GASK1B: variants seen among roughly 807,000 people sequenced by gnomAD.
The protein encoded by GASK1B is golgi associated kinase 1B, also known as Golgi-associated kinase 1B.
In GASK1B, 34 loss-of-function variants were observed where a neutral mutation model predicts 42.8. The observed-to-expected ratio is 0.79, with a 90% CI of 0.60 to 1.06. The LOEUF (loss-of-function observed/expected upper bound fraction) is 1.06. Among genes scored for constraint, GASK1B ranks in the 50% least tolerant of loss-of-function variants. The pLI, the probability that GASK1B is intolerant of heterozygous loss-of-function variation, is 0.00. For synonymous variants in GASK1B, 262 were observed against 259.1 expected (o/e 1.01, Z -0.11); for missense variants, 686 against 661.0 (o/e 1.04, Z -0.42).
In GASK1B at chr4:158,171,401, C is replaced by T. The variant is rs752856329; in HGVS notation, c.-26G>A. ...TTCTCTGCCGCATCCACATGTTGAA[C>T]GGAGTTTAAAGTCTGCAGTTGGCTC... is the stretch of plus-strand genomic sequence containing the variant. On this transcript the variant is annotated 5_prime_UTR_variant, in exon 2 of 5. Transcript: ENST00000585682. 7 of 1,533,286 alleles carry T rather than the reference C, an allele frequency of 4.6e-6. No homozygotes were observed. The Admixed American group carries it at 6.0e-5, about 13-fold the overall frequency. 95.0% of individuals were successfully genotyped at this position (1,533,286 alleles called of 1,614,324 possible). A position where few individuals can be genotyped will look rare whatever the true frequency, so the allele number is the denominator to read the frequency against.
chr4:158,164,279 G>A (rs8180159), intron 2 of GASK1B, among the ~76,000 whole-genome samples: 140,752 of 152,296 alleles, frequency 0.92, 65,334 homozygotes, highest in East Asian at 0.98. Context: ...TATAGAAGAC[G>A]ATAGATTGCA....
chr4:158,139,432 T>G (rs184010135), intron 3 of GASK1B, among the ~76,000 whole-genome samples: 8 of 152,310 alleles, frequency 5.3e-5, no homozygotes, highest in African/African-American at 1.9e-4. Flanking sequence ...TGTGGCAATC[T>G]CAAAATCTTA....
chr4:158,135,911 A>G (rs941411335), intron 3 of GASK1B, among the ~76,000 whole-genome samples: 4 of 152,174 alleles, frequency 2.6e-5, no homozygotes, highest in Non-Finnish European at 4.4e-5. Context: ...ATCTTTAGAG[A>G]TACAATAAGT....
At chr4:158,149,928 T>TTTTTTTTTTTC (rs1731487344) in intron 3 of GASK1B, among the ~76,000 whole-genome samples, 1 of 107,152 alleles carries the variant, frequency 9.3e-6, no homozygotes, top group Non-Finnish European at 1.9e-5. Context: ...TGCTGCTTTT[T>TTTTTTTTTTTC]TTTTTTTTTT....
chr4:158,155,124 A>T (rs1258355666), intron 3 of GASK1B, among the ~76,000 whole-genome samples: 1 of 152,224 alleles, frequency 6.6e-6, no homozygotes, highest in Non-Finnish European at 1.5e-5. Context: ...ATTCAGGCAC[A>T]GTTGACCGGC....
intron 3 of GASK1B, among the ~76,000 whole-genome samples, chr4:158,143,129 T>C (rs1395637572): frequency 1.3e-5 from 2 of 152,236 alleles, no homozygotes; most frequent in Non-Finnish European, 2.9e-5. Flanking sequence ...CTTCTAGTGA[T>C]ACATACTGAA....
At chr4:158,135,645 C>G (rs926138904) in intron 3 of GASK1B, among the ~76,000 whole-genome samples, 1 of 151,750 alleles carries the variant, frequency 6.6e-6, no homozygotes, top group African/African-American at 2.4e-5. Context: ...AAAGTCCATG[C>G]TCTTATCCAT....
chr4:158,145,131 T>C (rs921246737), intron 3 of GASK1B, among the ~76,000 whole-genome samples: 1 of 152,204 alleles, frequency 6.6e-6, no homozygotes, highest in African/African-American at 2.4e-5. Context: ...CAAAGATCTT[T>C]CCATGAACAG....
At chr4:158,154,364 T>A (rs1316805620) in intron 3 of GASK1B, among the ~76,000 whole-genome samples, 4 of 152,090 alleles carry the variant, frequency 2.6e-5, no homozygotes, top group Admixed American at 1.3e-4. Context: ...AAATAACAGA[T>A]GTTGGCGTGG....
chr4:158,165,235 G>C (rs913598395), intron 2 of GASK1B, among the ~76,000 whole-genome samples: 5 of 152,210 alleles, frequency 3.3e-5, no homozygotes, highest in Non-Finnish European at 5.9e-5. Flanking sequence ...CTAAATCAAA[G>C]ATCACAGAAC....
intron 3 of GASK1B, among the ~76,000 whole-genome samples, 153 bp downstream of exon 3, chr4:158,155,458 A>G (rs548621785): frequency 8.5e-5 from 13 of 152,186 alleles, no homozygotes. Flanking sequence ...ACATTTGGCC[A>G]TTATGGCCAA....
chr4:158,160,928 T>C (rs1459970519), intron 2 of GASK1B, among the ~76,000 whole-genome samples: 3 of 151,760 alleles, frequency 2.0e-5, no homozygotes, highest in Non-Finnish European at 4.4e-5. Flanking sequence ...AAGTAGAGAG[T>C]AGAATGGTGG....
intron 3 of GASK1B, among the ~76,000 whole-genome samples, chr4:158,131,883 A>G (rs1730696769): frequency 6.6e-6 from 1 of 152,170 alleles, no homozygotes; most frequent in Non-Finnish European, 1.5e-5. Flanking sequence ...CTTTACCTCG[A>G]ACACCTGGTA....
chr4:158,171,712 A>C, intron 1 of GASK1B, 113 bp from the exon 2 acceptor site: 1 of 194,314 alleles, frequency 5.1e-6, no homozygotes, highest in Non-Finnish European at 1.0e-5. Context: ...TCACCACTAA[A>C]TGTTTTTAAA....
intron 3 of GASK1B, among the ~76,000 whole-genome samples, chr4:158,145,894 C>T (rs1250010963): frequency 2.0e-5 from 3 of 152,136 alleles, no homozygotes; most frequent in African/African-American, 4.8e-5. Flanking sequence ...TGTTGGTCCT[C>T]CTCTATGTTA....
At chr4:158,143,713 T>C (rs1211680317) in intron 3 of GASK1B, among the ~76,000 whole-genome samples, 1 of 152,120 alleles carries the variant, frequency 6.6e-6, no homozygotes, top group Non-Finnish European at 1.5e-5. Context: ...TGAATAAATA[T>C]AGGCCAGTCA....
Position 158,171,442 on chromosome 4 carries a change from A to G in GASK1B, c.-67T>C. 6.8e-7 allele frequency: 1 copy of G among 1,479,498 alleles called. No individual in the cohort carries two copies. Among genetic ancestry groups the G allele is most frequent in the Non-Finnish European group, 9.0e-7 (1 of 1,111,458 alleles). 91.6% of individuals were successfully genotyped at this position (1,479,498 alleles called of 1,614,324 possible). A position where few individuals can be genotyped will look rare whatever the true frequency, so the allele number is the denominator to read the frequency against. ...CAGTTGGCTCCTGCTAATGTGATGC[A>G]TGGTTTCCTGACTTCAGCTGCCGCG... is the stretch of plus-strand genomic sequence containing the variant. On this transcript the variant is annotated 5_prime_UTR_variant, in exon 2 of 5. An upstream start codon of the reference 5' UTR is lost. Coordinates refer to ENST00000585682, the MANE Select transcript of GASK1B (RefSeq NM_001128424.2).
chr4:158,153,061 T>C (rs921503064), intron 3 of GASK1B, among the ~76,000 whole-genome samples: 22 of 152,150 alleles, frequency 1.4e-4, no homozygotes, highest in African/African-American at 5.3e-4. Context: ...AGTCAAACTG[T>C]CACTGTTCAC....
intron 2 of GASK1B, among the ~76,000 whole-genome samples, chr4:158,156,833 GAAC>G (rs1055330752): frequency 6.6e-6 from 1 of 152,082 alleles, no homozygotes; most frequent in Non-Finnish European, 1.5e-5. Context: ...TAACACGTCT[GAAC>G]AACAGAGGCC....
Sources: allele counts gnomAD v4.1 joint callset (sites outside exome capture counted in the v4.1 genomes callset), GRCh38; gene constraint gnomAD v4.1.1; transcripts MANE v1.5; gene names NCBI Gene and HGNC (gene_info 2026-07-23, HGNC 2026-07-21).